The following PECR variants were observed in gnomAD, a reference collection of about 807,000 sequenced individuals.
PECR encodes 2,4-dienoyl-CoA reductase-related protein.
In PECR, 30 loss-of-function variants were observed where a neutral mutation model predicts 35.3. The observed-to-expected ratio is 0.85, with a 90% CI of 0.64 to 1.15. PECR has a LOEUF of 1.15. Ranked by LOEUF, PECR falls within the 50% of genes most tolerant of loss-of-function variation. The pLI, the probability that PECR is intolerant of heterozygous loss-of-function variation, is 0.00. For missense variants in PECR, 392 were observed against 370.8 expected, an observed-to-expected ratio of 1.06 and a Z score of -0.47; for synonymous variants, 148 against 138.9, an observed-to-expected ratio of 1.07 and a Z score of -0.46.
At chr2:216,035,321 G>C (rs148241650), downstream of PECR, among the ~76,000 whole-genome samples, 137 of 152,208 alleles carry the variant, frequency 9.0e-4, no homozygotes, top group Middle Eastern at 6.8e-3. Flanking sequence ...AGAGGCCTCT[G>C]GTAGGACACT....
downstream of PECR, among the ~76,000 whole-genome samples, chr2:216,034,316 T>C (rs1353173990): frequency 6.6e-6 from 1 of 152,204 alleles, no homozygotes; most frequent in Non-Finnish European, 1.5e-5. Context: ...TGATTGGCTG[T>C]GGGTCCCAGC....
intron 6 of PECR, among the ~76,000 whole-genome samples, chr2:216,044,269 G>A (rs1342779529): frequency 1.3e-5 from 2 of 152,166 alleles, no homozygotes; most frequent in African/African-American, 4.8e-5. Flanking sequence ...CTTAGACGAT[G>A]TCAAGCAAGC....
At chr2:216,052,552 C>CT (rs945222946) in intron 4 of PECR, among the ~76,000 whole-genome samples, 2 of 152,194 alleles carry the variant, frequency 1.3e-5, no homozygotes, top group Non-Finnish European at 2.9e-5. Context: ...ACACCACTAA[C>CT]TTTTAACTTG....
Position 216,063,719 on chromosome 2 carries a change from T to A in PECR, c.424+1593A>T, listed in dbSNP as rs144971699. On this transcript the variant is annotated intron_variant, in intron 3 of 7. Coordinates refer to ENST00000265322, the MANE Select transcript of PECR (RefSeq NM_018441.6). ...AGGCCTTGTATTTGTTTTACTTTTT[T>A]TTTATTTATTTATTTGAAACAGAGT... 6.4e-3 allele frequency among the ~76,000 whole-genome samples: 975 copies of A among 152,186 alleles called. 15 individuals are homozygous for A. Among genetic ancestry groups the A allele is most frequent in the African/African-American group, 0.022 (909 of 41,524 alleles).
intron 1 of PECR, among the ~76,000 whole-genome samples, chr2:216,074,308 A>G (rs1034885765): frequency 2.0e-5 from 3 of 152,118 alleles, no homozygotes; most frequent in African/African-American, 7.2e-5. Context: ...TTAGCTGAGC[A>G]TGGAGGCACA....
chr2:216,081,495 C>A, intron 1 of PECR, 123 bp downstream of exon 1: 2 of 1,246,238 alleles, frequency 1.6e-6, no homozygotes, highest in South Asian at 1.2e-5. Context: ...TCGCCCACAC[C>A]TGCCCCGTCT....
intron 1 of PECR, among the ~76,000 whole-genome samples, chr2:216,079,074 T>C (rs1230250175): frequency 6.6e-6 from 1 of 152,022 alleles, no homozygotes; most frequent in Non-Finnish European, 1.5e-5. Context: ...TGAAAGAGGA[T>C]AGAGCTTGGT....
intron 3 of PECR, 42 bp from the exon 4 acceptor site, chr2:216,059,018 A>G (rs1173504402): frequency 8.4e-7 from 1 of 1,190,676 alleles, no homozygotes; most frequent in Non-Finnish European, 1.3e-6. Flanking sequence ...TTTTTAAAGT[A>G]TCCTGGCCCT....
chr2:216,034,270 G>A (rs1386127372), downstream of PECR, among the ~76,000 whole-genome samples: 51 of 152,218 alleles, frequency 3.4e-4, no homozygotes, highest in Non-Finnish European at 2.1e-4. Flanking sequence ...GCCATGAAAA[G>A]AAACCCCTTA....
intron 1 of PECR, among the ~76,000 whole-genome samples, chr2:216,067,393 G>A (rs935865525): frequency 1.3e-5 from 2 of 152,060 alleles, no homozygotes; most frequent in Non-Finnish European, 2.9e-5. Flanking sequence ...AACCTTTCAC[G>A]GGGCATTCGG....
downstream of PECR, among the ~76,000 whole-genome samples, chr2:216,035,949 T>C (rs564716812): frequency 1.1e-4 from 17 of 152,354 alleles, no homozygotes; most frequent in South Asian, 3.5e-3. Context: ...CCTGTTCAAA[T>C]TGCTGTGTGG....
intron 1 of PECR, among the ~76,000 whole-genome samples, chr2:216,072,741 T>C (rs1277165106): frequency 2.0e-5 from 3 of 152,216 alleles, no homozygotes; most frequent in Admixed American, 2.0e-4. Flanking sequence ...ATGGTATATA[T>C]AACATATTTT....
At chr2:216,049,546 C>T (rs950436688) in intron 5 of PECR, among the ~76,000 whole-genome samples, 173 bp from the exon 6 acceptor site, 2 of 152,218 alleles carry the variant, frequency 1.3e-5, no homozygotes, top group East Asian at 1.9e-4. Context: ...ACAGTCCCCA[C>T]CATCCACAAA....
intron 6 of PECR, among the ~76,000 whole-genome samples, chr2:216,048,751 C>T (rs560525623): frequency 3.1e-4 from 46 of 147,570 alleles, no homozygotes; most frequent in Non-Finnish European, 4.7e-4. Flanking sequence ...CATCCCAGCA[C>T]TTTGGGAGGC....
chr2:216,030,002 C>T (rs1024738226), intron 7 of PECR, among the ~76,000 whole-genome samples: 1 of 152,156 alleles, frequency 6.6e-6, no homozygotes, highest in Non-Finnish European at 1.5e-5. Flanking sequence ...GTGGACCAGT[C>T]TCCCACTGTG....
chr2:216,038,232 TCTAA>T (rs1694831183), downstream of PECR, among the ~76,000 whole-genome samples: 1 of 152,036 alleles, frequency 6.6e-6, no homozygotes, highest in African/African-American at 2.4e-5. Flanking sequence ...TCAATAAGGG[TCTAA>T]CTATCAGACT....
chr2:216,029,819 G>C (rs1479241386), intron 7 of PECR, among the ~76,000 whole-genome samples: 1 of 152,232 alleles, frequency 6.6e-6, no homozygotes, highest in Non-Finnish European at 1.5e-5. Flanking sequence ...AGAGGAAAAG[G>C]AGATGGTTTA....
In PECR at chr2:216,049,315, A is replaced by AAG; in HGVS notation, c.660_661dup (p.Phe221SerfsTer74). On this transcript the variant is annotated frameshift_variant, in exon 6 of 8. Coordinates refer to ENST00000265322, the MANE Select transcript of PECR (RefSeq NM_018441.6). LOFTEE classifies it high-confidence loss of function. ...GGGGATTTTCTGAAAAGACCCTTCA[A>AAG]AGAAGCTTTGTCCCCAGGAACCATA... The AAG allele has an allele frequency of 6.2e-7, 1 of 1,606,086 alleles. No individual in the cohort carries two copies.
At chr2:216,051,281 CAAAAAAAAAA>C (rs147574036) in intron 5 of PECR, among the ~76,000 whole-genome samples, 158 bp downstream of exon 5, 2 of 93,168 alleles carry the variant, frequency 2.1e-5, no homozygotes, top group Admixed American at 1.3e-4. Flanking sequence ...GACTCCATCT[CAAAAAAAAAA>C]AAAAAAAAAA....
Sources: gnomAD v4.1 joint callset for allele counts (sites outside exome capture counted in the v4.1 genomes callset) on GRCh38, gnomAD v4.1.1 for gene constraint, MANE v1.5 for transcripts, NCBI Gene and HGNC (gene_info 2026-07-23, HGNC 2026-07-21) for gene names.